The following TASP1 variants were observed in gnomAD, a reference collection of about 807,000 sequenced individuals.
TASP1 encodes the protein threonine aspartase 1.
Under a neutral mutation model 56.6 loss-of-function variants are expected in TASP1, and 16 were observed. That is an observed-to-expected ratio of 0.28 (90% CI 0.19 to 0.43). The LOEUF (loss-of-function observed/expected upper bound fraction) is 0.43, where lower values mean the gene tolerates loss of function less well. Among genes scored for constraint, TASP1 ranks in the 20% least tolerant of loss-of-function variants. The pLI is 1.00. For synonymous variants in TASP1, 179 were observed against 184.2 expected (o/e 0.97, Z 0.23); for missense variants, 393 against 511.6 (o/e 0.77, Z 2.24).
intron 3 of TASP1, among the ~76,000 whole-genome samples, chr20:13,623,884 T>G (rs940817586): frequency 6.6e-6 from 1 of 152,182 alleles, no homozygotes; most frequent in Non-Finnish European, 1.5e-5. Flanking sequence ...AATCTCAAAC[T>G]AATCATTTCT....
chr20:13,218,732 A>G, the TASP1 span, among the ~76,000 whole-genome samples: 1 of 152,204 alleles, frequency 6.6e-6, no homozygotes, highest in South Asian at 2.1e-4. Flanking sequence ...CCCTAACTCA[A>G]AAACAGAGCC....
intron 2 of TASP1, among the ~76,000 whole-genome samples, chr20:13,627,807 A>G (rs1225804153): frequency 2.6e-5 from 4 of 151,656 alleles, no homozygotes; most frequent in African/African-American, 4.9e-5. Context: ...ACCCTGAGTC[A>G]CACAACATGC....
At chr20:13,371,008 A>G in the TASP1 span, among the ~76,000 whole-genome samples, 1 of 152,110 alleles carries the variant, frequency 6.6e-6, no homozygotes, top group Admixed American at 6.6e-5. Flanking sequence ...AAGGTCAAGC[A>G]GTATCATCCC....
intron 13 of TASP1, among the ~76,000 whole-genome samples, chr20:13,400,944 T>C (rs2041715702): frequency 6.6e-6 from 1 of 152,236 alleles, no homozygotes; most frequent in South Asian, 2.1e-4. Flanking sequence ...TGAATCATAC[T>C]GGAATAAAAA....
chr20:13,261,123 C>G, the TASP1 span, among the ~76,000 whole-genome samples: 1 of 152,158 alleles, frequency 6.6e-6, no homozygotes, highest in African/African-American at 2.4e-5. Context: ...CAGTAAGAAG[C>G]TCAAAGAAGG....
rs139858486 is a variant in TASP1, at chr20:13,556,429, G to T, written c.675+2579C>A. Among the ~76,000 whole-genome samples, 5 of 152,166 alleles carry T rather than the reference G, an allele frequency of 3.3e-5. No homozygotes were observed. The East Asian group carries it at 9.7e-4, about 29-fold the overall frequency. On this transcript the variant is annotated intron_variant, in intron 8 of 13. Transcript: ENST00000337743. The stretch of plus-strand genomic sequence containing the variant: ...CACATAGTAGCCCATGGAGAACTTT[G>T]CAAAATGTGAATAAGAAAGCACTGT...
At chr20:13,294,093 G>A in the TASP1 span, among the ~76,000 whole-genome samples, 4 of 152,336 alleles carry the variant, frequency 2.6e-5, no homozygotes, top group Admixed American at 1.3e-4. Context: ...CGGCCATGAT[G>A]TGGCCGCCAT....
intron 13 of TASP1, among the ~76,000 whole-genome samples, chr20:13,395,897 T>C (rs967587981): frequency 5.3e-5 from 8 of 151,688 alleles, no homozygotes; most frequent in Admixed American, 5.3e-4. Flanking sequence ...GAGATGGGGT[T>C]TCACCATGTT....
At chr20:13,357,350 C>T in the TASP1 span, among the ~76,000 whole-genome samples, 1 of 152,148 alleles carries the variant, frequency 6.6e-6, no homozygotes, top group Non-Finnish European at 1.5e-5. Flanking sequence ...AATTCATTAT[C>T]ATGCTCTTCA....
At chr20:13,187,540 G>A in the TASP1 span, among the ~76,000 whole-genome samples, 1 of 151,814 alleles carries the variant, frequency 6.6e-6, no homozygotes, top group Non-Finnish European at 1.5e-5. Context: ...ACAAGGTCAA[G>A]AGATCAAGAC....
the TASP1 span, chr20:13,288,778 C>A: frequency 7.8e-7 from 1 of 1,288,720 alleles, no homozygotes; most frequent in Non-Finnish European, 1.1e-6. Flanking sequence ...AAAAGATGCA[C>A]TACTTTTCTT....
the TASP1 span, among the ~76,000 whole-genome samples, chr20:13,254,012 G>A: frequency 2.0e-5 from 3 of 147,646 alleles, no homozygotes; most frequent in African/African-American, 7.5e-5. Context: ...GAGGTCAGGA[G>A]TTCAAGACCA....
At chr20:13,268,392 C>A in the TASP1 span, among the ~76,000 whole-genome samples, 1 of 107,470 alleles carries the variant, frequency 9.3e-6, no homozygotes, top group Non-Finnish European at 1.9e-5. Context: ...CTCTCTCTCT[C>A]TCTCTCTCTC....
chr20:13,404,934 T>C (rs942571497), intron 13 of TASP1, among the ~76,000 whole-genome samples: 1 of 152,222 alleles, frequency 6.6e-6, no homozygotes, highest in Non-Finnish European at 1.5e-5. Flanking sequence ...CTAGTCTTAA[T>C]ACCACAAAGC....
intron 12 of TASP1, among the ~76,000 whole-genome samples, chr20:13,421,803 G>C (rs1014796339): frequency 6.6e-6 from 1 of 152,096 alleles, no homozygotes; most frequent in Non-Finnish European, 1.5e-5. Flanking sequence ...TGGTAATTAT[G>C]CTCTGTAATG....
At chr20:13,110,262 C>G in the TASP1 span, 1 of 1,530,502 alleles carries the variant, frequency 6.5e-7, no homozygotes, top group Non-Finnish European at 9.0e-7. Flanking sequence ...AGGCCTGCAG[C>G]AAGCTGACCA....
chr20:13,618,985 CT>C (rs1393521435), intron 4 of TASP1, among the ~76,000 whole-genome samples: 1 of 152,014 alleles, frequency 6.6e-6, no homozygotes, highest in East Asian at 1.9e-4. Context: ...AGTAATTCTC[CT>C]GCCTCAGCCT....
chr20:13,160,899 GC>G, the TASP1 span, among the ~76,000 whole-genome samples: 1 of 152,212 alleles, frequency 6.6e-6, no homozygotes, highest in Non-Finnish European at 1.5e-5. Flanking sequence ...AGGGGAGGTG[GC>G]TTTTGAGCCA....
chr20:13,252,716 C>G, the TASP1 span, among the ~76,000 whole-genome samples: 1 of 151,974 alleles, frequency 6.6e-6, no homozygotes, highest in Non-Finnish European at 1.5e-5. Context: ...GACTGCACCA[C>G]TTGCACTCCA....
Sources: gnomAD v4.1 joint callset for allele counts (sites outside exome capture counted in the v4.1 genomes callset) on GRCh38, gnomAD v4.1.1 for gene constraint, MANE v1.5 for transcripts, NCBI Gene and HGNC (gene_info 2026-07-23, HGNC 2026-07-21) for gene names.